The following ZNF729 variants were observed in gnomAD, a reference collection of about 807,000 sequenced individuals.
ZNF729 encodes the protein zinc finger protein 729.
Under a neutral mutation model 12.2 loss-of-function variants are expected in ZNF729, and 15 were observed. The observed-to-expected ratio is 1.23, with a 90% CI of 0.82 to 1.89. The LOEUF (loss-of-function observed/expected upper bound fraction) is 1.89. ZNF729 is among the 40% of genes most tolerant of loss of function. ZNF729 has a pLI of 0.00. For missense variants in ZNF729, 1,540 were observed against 1,456.7 expected (o/e 1.06, Z -0.93); for synonymous variants, 492 against 476.3 (o/e 1.03, Z -0.43).
At chr19:22,307,998 C>A (rs1329856661) in intron 3 of ZNF729, among the ~76,000 whole-genome samples, 2 of 151,896 alleles carry the variant, frequency 1.3e-5, no homozygotes, top group Non-Finnish European at 2.9e-5. Flanking sequence ...TATTTGTAGT[C>A]TTTTATCCCT....
Position 22,316,614 on chromosome 19 carries a change from A to G in ZNF729, c.3197A>G (p.His1066Arg), listed in dbSNP as rs750854890. Reference sequence around the variant, plus strand: ...AAGTGGTCCTCAAAACTTACTGAACATAAGGTAATTCATACTGGAGAGAAA... The same window carrying G: ...AAGTGGTCCTCAAAACTTACTGAACGTAAGGTAATTCATACTGGAGAGAAA... Reference protein sequence around the residue: ...AFKWSSKLTEHKVIHTGEKPC... With the variant: ...AFKWSSKLTERKVIHTGEKPC... Residue 1066 changes from histidine (H) to arginine (R), a missense_variant, in exon 4 of 4, where the codon CAT (histidine) becomes CGT (arginine). By Grantham distance (29) the His-to-Arg change is conservative. Transcript: ENST00000601693. 1.4e-5 allele frequency: 22 copies of G among 1,613,102 alleles called. No homozygotes were observed. Among genetic ancestry groups the G allele is most frequent in the East Asian group, 2.2e-5 (1 of 44,856 alleles).
chr19:22,310,604 A>G (rs530690600), intron 3 of ZNF729, among the ~76,000 whole-genome samples: 141 of 152,216 alleles, frequency 9.3e-4, no homozygotes, highest in African/African-American at 3.3e-3. Context: ...GTTAGCTACT[A>G]TTTTAAGGAT....
At chr19:22,294,872 G>A (rs901320207) in intron 1 of ZNF729, among the ~76,000 whole-genome samples, 20 of 151,692 alleles carry the variant, frequency 1.3e-4, no homozygotes, top group Non-Finnish European at 2.8e-4. Flanking sequence ...GGCCAGGCTG[G>A]TTTCGATCTC....
chr19:22,311,057 T>C (rs553067858), intron 3 of ZNF729, among the ~76,000 whole-genome samples: 1 of 152,294 alleles, frequency 6.6e-6, no homozygotes, highest in Admixed American at 6.5e-5. Flanking sequence ...TCCTTTCTTA[T>C]TGAGGTTATT....
intron 1 of ZNF729, among the ~76,000 whole-genome samples, chr19:22,292,808 G>A (rs2145041494): frequency 6.6e-6 from 1 of 152,208 alleles, no homozygotes; most frequent in East Asian, 1.9e-4. Flanking sequence ...CTTTGCTATT[G>A]TGAATAGTGC....
intron 1 of ZNF729, among the ~76,000 whole-genome samples, chr19:22,288,382 T>C (rs1968109439): frequency 1.3e-5 from 2 of 152,046 alleles, no homozygotes; most frequent in Admixed American, 6.6e-5. Flanking sequence ...TGTTTTCCTT[T>C]GGAAACTTTA....
rs747305629 is a variant in ZNF729, at chr19:22,314,566, A to T, written c.1149A>T (p.Lys383Asn). ...EKPYKCEECGKAFKWSSKLTV... is the reference protein window; with the variant it reads ...EKPYKCEECGNAFKWSSKLTV... ...CCTACAAATGTGAAGAATGTGGTAA[A>T]GCTTTTAAGTGGTCTTCAAAACTTA... is the stretch of plus-strand genomic sequence containing the variant. Residue 383 changes from lysine (K) to asparagine (N), a missense_variant, in exon 4 of 4, where the codon AAA (lysine) becomes AAT (asparagine). Lys to Asn is a moderately conservative substitution (Grantham distance 94). Coordinates refer to ENST00000601693, the MANE Select transcript of ZNF729 (RefSeq NM_001242680.2). 2.5e-6 allele frequency: 4 copies of T among 1,611,580 alleles called. No homozygotes were observed. In the African/African-American group the frequency reaches 4.0e-5, roughly 16 times the overall value.
At position 22,315,233 on chromosome 19, in the gene ZNF729, G is replaced by C; in HGVS notation, c.1816G>C (p.Gly606Arg). ...GAAATTGTACAAATGTGAAGAATGT[G>C]GCAAAGCTTTTAACAATTCCTCAAT... ...REKLYKCEEC[G>R]KAFNNSSILA... Residue 606 changes from glycine to arginine, a missense_variant, in exon 4 of 4, where the codon GGC (glycine) becomes CGC (arginine). Gly to Arg is a moderately radical substitution (Grantham distance 125). Transcript: ENST00000601693. 1 of 1,612,272 alleles carries C rather than the reference G, an allele frequency of 6.2e-7. No individual in the cohort carries two copies. Among genetic ancestry groups the C allele is most frequent in the Non-Finnish European group, 8.5e-7 (1 of 1,179,394 alleles).
rs191820372 is a variant in ZNF729, at chr19:22,286,441, G to C, written c.-85G>C. On this transcript the variant is annotated 5_prime_UTR_variant, in exon 1 of 4. Transcript: ENST00000601693. ...GGGGCCGTTGTTTCTGGTTGCAGCCGCAGTTCCCGGTCTCGCCTTCACTGC... is the reference window on the plus strand; with the variant it reads ...GGGGCCGTTGTTTCTGGTTGCAGCCCCAGTTCCCGGTCTCGCCTTCACTGC... 1 of 1,539,242 alleles carries C rather than the reference G, an allele frequency of 6.5e-7. No individual in the cohort carries two copies. The highest frequency in any genetic ancestry group is 1.1e-5 in the South Asian group (1 of 87,710).
rs746213994 is a variant in ZNF729 at position 22,313,729 on chromosome 19, C to T, written c.312C>T (p.Phe104=). Residue 104 remains phenylalanine (F), a synonymous_variant, in exon 4 of 4, where the codon TTC becomes TTT. Coordinates refer to ENST00000601693, the MANE Select transcript of ZNF729 (RefSeq NM_001242680.2). ...CAGATCAGAGCACAAAAGATTCTTT[C>T]CAAGAAGTAATACTGAGAACATATG... ...LWPDQSTKDS[F]QEVILRTYAR... 7.6e-6 allele frequency: 12 copies of T among 1,568,750 alleles called. No individual in the cohort carries two copies. The highest frequency in any genetic ancestry group is 1.0e-5 in the Non-Finnish European group (12 of 1,163,092).
intron 3 of ZNF729, among the ~76,000 whole-genome samples, chr19:22,310,825 ACT>A (rs1968441833): frequency 6.6e-6 from 1 of 151,946 alleles, no homozygotes; most frequent in Non-Finnish European, 1.5e-5. Flanking sequence ...CTGGTCCTAG[ACT>A]TTTTTTGTGG....
intron 3 of ZNF729, among the ~76,000 whole-genome samples, chr19:22,307,166 T>C (rs1439930552): frequency 6.6e-6 from 1 of 151,980 alleles, no homozygotes; most frequent in Non-Finnish European, 1.5e-5. Context: ...CATAAAAGAC[T>C]AATTTTAGCA....
intron 1 of ZNF729, among the ~76,000 whole-genome samples, chr19:22,292,114 G>A (rs1037592467): frequency 6.6e-6 from 1 of 151,880 alleles, no homozygotes; most frequent in African/African-American, 2.4e-5. Context: ...GTGTCGGGGG[G>A]TTGGTGTGCA....
intron 1 of ZNF729, among the ~76,000 whole-genome samples, chr19:22,302,497 T>C (rs1382362981): frequency 2.6e-5 from 4 of 152,306 alleles, no homozygotes; most frequent in Admixed American, 2.6e-4. Flanking sequence ...TACATATGTA[T>C]ATTTTAATAA....
intron 1 of ZNF729, among the ~76,000 whole-genome samples, 189 bp from the exon 2 acceptor site, chr19:22,303,569 T>C (rs1466306702): frequency 1.3e-5 from 2 of 152,256 alleles, no homozygotes; most frequent in Non-Finnish European, 2.9e-5. Context: ...TGCCATTCTT[T>C]TTTCTCAGAA....
At chr19:22,303,012 T>C (rs1210019983) in intron 1 of ZNF729, among the ~76,000 whole-genome samples, 2 of 152,200 alleles carry the variant, frequency 1.3e-5, no homozygotes, top group African/African-American at 4.8e-5. Context: ...TGACCTCAGA[T>C]GATCCACCCA....
chr19:22,309,931 T>G (rs1201981752), intron 3 of ZNF729, among the ~76,000 whole-genome samples: 1 of 151,944 alleles, frequency 6.6e-6, no homozygotes, highest in Admixed American at 6.6e-5. Context: ...ACCTCCTTGG[T>G]TAGGCATATT....
intron 3 of ZNF729, among the ~76,000 whole-genome samples, chr19:22,310,455 T>C (rs1371848223): frequency 3.3e-5 from 5 of 152,232 alleles, no homozygotes; most frequent in Admixed American, 2.0e-4. Flanking sequence ...TCTATTGAGA[T>C]GATCATATGA....
chr19:22,287,100 C>G (rs1360708699), intron 1 of ZNF729, among the ~76,000 whole-genome samples: 1 of 152,082 alleles, frequency 6.6e-6, no homozygotes, highest in Non-Finnish European at 1.5e-5. Context: ...AAACCAAATT[C>G]AGTAATTGGT....
Sources: gnomAD v4.1 joint callset for allele counts (sites outside exome capture counted in the v4.1 genomes callset) on GRCh38, gnomAD v4.1.1 for gene constraint, MANE v1.5 for transcripts, NCBI Gene and HGNC (gene_info 2026-07-23, HGNC 2026-07-21) for gene names.